The following TTC7B variants were observed in gnomAD, a reference collection of about 807,000 sequenced individuals.
TTC7B encodes tetratricopeptide repeat domain 7B, also known as tetratricopeptide repeat protein 7B.
A neutral mutation model predicts 106.8 loss-of-function variants in TTC7B; 28 were observed. That is an observed-to-expected ratio of 0.26 (90% CI 0.19 to 0.36). The LOEUF (loss-of-function observed/expected upper bound fraction) is 0.36. TTC7B is among the 10% of genes least tolerant of loss of function. The pLI, the probability that TTC7B is intolerant of heterozygous loss-of-function variation, is 1.00. For missense variants in TTC7B, 862 were observed against 1,076.4 expected (o/e 0.80, Z 2.79); for synonymous variants, 405 against 430.6 (o/e 0.94, Z 0.74).
intron 1 of TTC7B, among the ~76,000 whole-genome samples, chr14:90,812,937 C>T (rs1024008117): frequency 2.5e-4 from 38 of 152,194 alleles, no homozygotes; most frequent in Non-Finnish European, 1.3e-4. Context: ...GCTTCCTTCC[C>T]GTAAGGAGCT....
In TTC7B at chr14:90,600,101, T is replaced by G. The variant is rs1050091999; in HGVS notation, c.1967-6475A>C. Among the ~76,000 whole-genome samples, 7 of 152,170 alleles carry G rather than the reference T, an allele frequency of 4.6e-5. 1 individual carries two copies. The highest frequency in any genetic ancestry group is 3.9e-4 in the Admixed American group (6 of 15,274). On this transcript the variant is annotated intron_variant, in intron 17 of 19. Coordinates refer to ENST00000328459, the MANE Select transcript of TTC7B (RefSeq NM_001010854.2). The surrounding 1 kb of genome is among the most constrained non-coding windows in gnomAD (Gnocchi z 4.3). ...AGGAGGCGAAGGAGTTAGTGTTGAC[T>G]GTCTCTTATTTCTTGAAGGGAGAGG... is the stretch of plus-strand genomic sequence containing the variant.
At chr14:90,609,708 A>G in intron 17 of TTC7B, among the ~76,000 whole-genome samples, 1 of 152,198 alleles carries the variant, frequency 6.6e-6, no homozygotes, top group Admixed American at 6.5e-5. Context: ...GGTGGGGGAG[A>G]AGGAACAGGA....
intron 19 of TTC7B, among the ~76,000 whole-genome samples, chr14:90,560,543 G>C (rs1395548121): frequency 6.6e-6 from 1 of 152,256 alleles, no homozygotes; most frequent in Non-Finnish European, 1.5e-5. Context: ...GAAAGGGAAA[G>C]GAGATACATT....
At chr14:90,652,340 C>T (rs1566819057) in intron 13 of TTC7B, among the ~76,000 whole-genome samples, 1 of 147,114 alleles carries the variant, frequency 6.8e-6, no homozygotes, top group Non-Finnish European at 1.5e-5. Context: ...CTGAGAGGCA[C>T]AATGACAGAG....
At chr14:90,724,533 T>A (rs1490396869) in intron 5 of TTC7B, among the ~76,000 whole-genome samples, 1 of 152,144 alleles carries the variant, frequency 6.6e-6, no homozygotes, top group African/African-American at 2.4e-5. Context: ...TGAGTTCTCA[T>A]GCGAACTGTT....
intron 9 of TTC7B, among the ~76,000 whole-genome samples, chr14:90,670,407 A>G (rs1886586975): frequency 6.6e-6 from 1 of 152,210 alleles, no homozygotes; most frequent in Non-Finnish European, 1.5e-5. Context: ...GGGATGATGG[A>G]AAAATGTGGA....
At chr14:90,687,477 G>A (rs1887290953) in intron 7 of TTC7B, among the ~76,000 whole-genome samples, 1 of 152,218 alleles carries the variant, frequency 6.6e-6, no homozygotes, top group South Asian at 2.1e-4. Context: ...GGCACCCAAA[G>A]AGACACAGAG....
intron 9 of TTC7B, among the ~76,000 whole-genome samples, chr14:90,659,114 C>T (rs562627884): frequency 1.8e-4 from 28 of 152,196 alleles, no homozygotes; most frequent in African/African-American, 6.7e-4. Context: ...TGGAAGCATG[C>T]GGGGACTGGG....
intron 8 of TTC7B, 80 bp from the exon 9 acceptor site, chr14:90,676,740 C>T: frequency 6.7e-7 from 1 of 1,499,266 alleles, no homozygotes; most frequent in Non-Finnish European, 9.1e-7. Flanking sequence ...GGCCCTCCTG[C>T]CCCTACCAAT....
chr14:90,590,311 A>G (rs556380261), intron 18 of TTC7B, among the ~76,000 whole-genome samples: 1 of 151,930 alleles, frequency 6.6e-6, no homozygotes, highest in South Asian at 2.1e-4. Context: ...TGGCCTAGGG[A>G]CCCTCTGCTA....
Position 90,578,349 on chromosome 14 carries a change from C to T in TTC7B, c.2108-41G>A, listed in dbSNP as rs184325732. The stretch of plus-strand genomic sequence containing the variant: ...AACGGCACATGCTTTCCTGGTGCCC[C>T]TCTGAGGCCCTGCGAGCAGCCACCA... On this transcript the variant is annotated intron_variant, in intron 18 of 19. Transcript: ENST00000328459. The surrounding 1 kb of genome is among the most constrained non-coding windows in gnomAD (Gnocchi z 4.7). 2 of 1,586,992 alleles carry T rather than the reference C, an allele frequency of 1.3e-6. No homozygotes were observed. Among genetic ancestry groups the T allele is most frequent in the East Asian group, 4.5e-5 (2 of 44,406 alleles).
At chr14:90,792,246 C>T (rs1016783167) in intron 1 of TTC7B, among the ~76,000 whole-genome samples, 3 of 152,054 alleles carry the variant, frequency 2.0e-5, no homozygotes, top group South Asian at 2.1e-4. Context: ...GCGCCAGAGT[C>T]GTGATGCCAA....
intron 15 of TTC7B, among the ~76,000 whole-genome samples, chr14:90,642,365 A>G (rs1181596745): frequency 1.3e-5 from 2 of 152,246 alleles, no homozygotes; most frequent in Admixed American, 1.3e-4. Context: ...GCTGCTGAAA[A>G]GCACTGATTA....
chr14:90,722,017 C>T (rs1241137249), intron 5 of TTC7B, among the ~76,000 whole-genome samples: 1 of 152,232 alleles, frequency 6.6e-6, no homozygotes, highest in Non-Finnish European at 1.5e-5. Flanking sequence ...ATCAGTTCAA[C>T]TATTACGAAG....
rs1595217744 is a variant in TTC7B, at chr14:90,624,108, G to A, written c.1752-6063C>T. ...TGCGTGTATATGTGTGCATGTGTGT[G>A]TGCGCGTGCGCGTGTGTGTGTTTTG... On this transcript the variant is annotated intron_variant, in intron 15 of 19. Coordinates refer to ENST00000328459, the MANE Select transcript of TTC7B (RefSeq NM_001010854.2). The surrounding 1 kb of genome is among the most constrained non-coding windows in gnomAD (Gnocchi z 4.0). Among the ~76,000 whole-genome samples the A allele has an allele frequency of 6.6e-6, 1 of 151,478 alleles. No individual in the cohort carries two copies. Among genetic ancestry groups the A allele is most frequent in the Admixed American group, 6.6e-5 (1 of 15,232 alleles).
chr14:90,798,903 T>C (rs755452084), intron 1 of TTC7B, among the ~76,000 whole-genome samples: 18 of 152,188 alleles, frequency 1.2e-4, no homozygotes, highest in Non-Finnish European at 2.1e-4. Context: ...TTTACTACCA[T>C]GTACATTCAT....
chr14:90,671,131 C>T (rs1886616781), intron 9 of TTC7B, among the ~76,000 whole-genome samples: 2 of 152,110 alleles, frequency 1.3e-5, no homozygotes, highest in South Asian at 4.2e-4. Context: ...TGGGTTTCTA[C>T]AGTACAAGCA....
rs943941507 is a variant in TTC7B at position 90,600,377 on chromosome 14, C to T, written c.1967-6751G>A. ...AGCTGCCCTCGCGCCTTGTGTCCCCCAGTGTGACAGCAGGGGCGGGGCCGC... is the reference window on the plus strand; with the variant it reads ...AGCTGCCCTCGCGCCTTGTGTCCCCTAGTGTGACAGCAGGGGCGGGGCCGC... On this transcript the variant is annotated intron_variant, in intron 17 of 19. Transcript: ENST00000328459. This position sits in a 1 kb window ranked among gnomAD's most constrained non-coding sequence, Gnocchi z 4.3. Among the ~76,000 whole-genome samples the T allele has an allele frequency of 6.6e-6, 1 of 152,190 alleles. No individual in the cohort carries two copies. The highest frequency in any genetic ancestry group is 2.4e-5 in the African/African-American group (1 of 41,436).
At chr14:90,775,636 T>C (rs8003917) in intron 3 of TTC7B, among the ~76,000 whole-genome samples, 48,147 of 151,948 alleles carry the variant, frequency 0.32, 10,749 homozygotes, top group African/African-American at 0.64. Flanking sequence ...GCACAGAGGT[T>C]ACTCAGCTTG....
Sources: gnomAD v4.1 joint callset for allele counts (sites outside exome capture counted in the v4.1 genomes callset) on GRCh38, gnomAD v4.1.1 for gene constraint, Gnocchi (gnomAD v3.1) non-coding constraint, MANE v1.5 for transcripts, NCBI Gene and HGNC (gene_info 2026-07-23, HGNC 2026-07-21) for gene names.